Variants in MYO5C observed in about 807,000 individuals in gnomAD.
The protein encoded by MYO5C is myosin VC, also known as unconventional myosin-Vc.
In MYO5C, 194 loss-of-function variants were observed where a neutral mutation model predicts 235.7. That is an observed-to-expected ratio of 0.82 (90% CI 0.73 to 0.93). The LOEUF (loss-of-function observed/expected upper bound fraction) is 0.93. MYO5C is among the 40% of genes least tolerant of loss of function. MYO5C has a pLI of 0.00. For missense variants in MYO5C, 2,038 were observed against 2,127.2 expected, an observed-to-expected ratio of 0.96 and a Z score of 0.82; for synonymous variants, 707 against 754.8, an observed-to-expected ratio of 0.94 and a Z score of 1.04.
At position 52,279,632 on chromosome 15, in the gene MYO5C, G is replaced by C. The variant is rs374576264; in HGVS notation, c.181C>G (p.Arg61Gly). The change falls in exon 3 of 41, where the codon CGG becomes GGG. Residue 61 changes from arginine to glycine, a missense_variant. By Grantham distance (125) the Arg-to-Gly change is moderately radical. Transcript: ENST00000261839. The stretch of plus-strand genomic sequence containing the variant: ...TCGCCCACGAGGATGTCAGGATTCC[G>C]AAGTGGAGGCAGAGATTCTGGATTG... ...SVNPESLPPL[R>G]NPDILVGEND... is the part of the protein sequence containing the mutation. 1.1e-5 allele frequency: 17 copies of C among 1,613,548 alleles called. No individual in the cohort carries two copies. The highest frequency in any genetic ancestry group is 1.4e-5 in the Non-Finnish European group (16 of 1,179,558).
intron 16 of MYO5C, 134 bp from the exon 17 acceptor site, chr15:52,246,176 A>C (rs1401192926): frequency 1.5e-6 from 1 of 671,614 alleles, no homozygotes; most frequent in African/African-American, 1.8e-5. Flanking sequence ...TTTCTATTGC[A>C]TGACCAAGAA....
intron 8 of MYO5C, among the ~76,000 whole-genome samples, chr15:52,267,250 T>G (rs949044379): frequency 3.9e-5 from 6 of 152,154 alleles, no homozygotes; most frequent in Admixed American, 1.3e-4. Flanking sequence ...CTTTGGACAA[T>G]TGGGAATGTA....
Position 52,193,522 on chromosome 15 carries a change from G to T in MYO5C, c.*380C>A. 6.0e-6 allele frequency: 1 copy of T among 167,892 alleles called. No individual in the cohort carries two copies. Among genetic ancestry groups the T allele is most frequent in the Non-Finnish European group, 1.3e-5 (1 of 79,284 alleles). The allele number at this position is 167,892 out of a possible 1,614,324, so 10.4% of individuals were successfully genotyped here. ...CTTGCAGCTTTGTAAATGTACTCAG[G>T]TTTCACATGAACCTTAGAAAACTTG... On this transcript the variant is annotated 3_prime_UTR_variant, in exon 41 of 41. Coordinates refer to ENST00000261839, the MANE Select transcript of MYO5C (RefSeq NM_018728.4).
At chr15:52,275,477 A>C in intron 5 of MYO5C, 85 bp downstream of exon 5, 1 of 1,528,206 alleles carries the variant, frequency 6.5e-7, no homozygotes, top group Non-Finnish European at 9.0e-7. Flanking sequence ...AAGGGTGGGA[A>C]CTTGAATTAG....
At chr15:52,203,953 T>TA (rs2035244081) in intron 38 of MYO5C, among the ~76,000 whole-genome samples, 1 of 152,210 alleles carries the variant, frequency 6.6e-6, no homozygotes, top group Non-Finnish European at 1.5e-5. Flanking sequence ...CACCTTCCCT[T>TA]ACGTCATTAC....
intron 32 of MYO5C, among the ~76,000 whole-genome samples, chr15:52,215,658 A>G (rs1222663148): frequency 1.3e-5 from 2 of 152,208 alleles, no homozygotes; most frequent in Non-Finnish European, 2.9e-5. Context: ...CTTATAATAT[A>G]TCTAATAAAA....
intron 8 of MYO5C, among the ~76,000 whole-genome samples, chr15:52,268,945 T>C (rs1296055979): frequency 3.9e-5 from 6 of 152,216 alleles, no homozygotes; most frequent in African/African-American, 1.4e-4. Flanking sequence ...TCTTGTAAAA[T>C]GGGAGAAACA....
chr15:52,273,712 G>A (rs1256531100), intron 5 of MYO5C, among the ~76,000 whole-genome samples: 1 of 152,132 alleles, frequency 6.6e-6, no homozygotes, highest in African/African-American at 2.4e-5. Flanking sequence ...ATAAATTTCT[G>A]TTGTTTATAA....
chr15:52,217,638 T>G (rs1467660761), intron 32 of MYO5C, among the ~76,000 whole-genome samples: 1 of 152,246 alleles, frequency 6.6e-6, no homozygotes, highest in East Asian at 1.9e-4. Flanking sequence ...TGATTGGAAT[T>G]TGTTACTTCC....
At chr15:52,255,542 T>TA (rs1178983677) in intron 11 of MYO5C, among the ~76,000 whole-genome samples, 2 of 151,962 alleles carry the variant, frequency 1.3e-5, no homozygotes, top group African/African-American at 2.4e-5. Flanking sequence ...GAGGCAATTA[T>TA]AAAAAAAATA....
At chr15:52,203,015 A>G (rs1026301897) in intron 38 of MYO5C, among the ~76,000 whole-genome samples, 2 of 148,594 alleles carry the variant, frequency 1.3e-5, no homozygotes, top group African/African-American at 5.0e-5. Context: ...CTGCCTCCCC[A>G]GTTCTAGTGA....
At chr15:52,277,815 T>C (rs2037084484) in intron 4 of MYO5C, 1 of 454,504 alleles carries the variant, frequency 2.2e-6, no homozygotes, top group South Asian at 1.6e-5. Flanking sequence ...CCATCAGACA[T>C]CTGTGCAGGA....
chr15:52,283,181 C>A (rs893850100), intron 1 of MYO5C, among the ~76,000 whole-genome samples: 1 of 152,102 alleles, frequency 6.6e-6, no homozygotes. Flanking sequence ...AAACATCTCA[C>A]GGCTGTCTAC....
Position 52,221,195 on chromosome 15 carries a change from T to C in MYO5C, c.3688A>G (p.Ile1230Val). 1 of 1,613,372 alleles carries C rather than the reference T, an allele frequency of 6.2e-7. No individual in the cohort carries two copies. The highest frequency in any genetic ancestry group is 8.5e-7 in the Non-Finnish European group (1 of 1,179,590). Residue 1230 changes from isoleucine to valine, a missense_variant, in exon 30 of 41, where the codon ATC (isoleucine) becomes GTC (valine). Coordinates refer to ENST00000261839, the MANE Select transcript of MYO5C (RefSeq NM_018728.4). ...TTCTCAGCTTGTTCATTCAGGCGGA[T>C]TTCAAGATCTTGCTTCTGTTTCTCC... ...ELEKQKQDLEIRLNEQAEKMK... is the reference protein window; with the variant it reads ...ELEKQKQDLEVRLNEQAEKMK...
intron 1 of MYO5C, among the ~76,000 whole-genome samples, chr15:52,289,336 C>G (rs1258349601): frequency 8.9e-6 from 1 of 111,836 alleles, no homozygotes; most frequent in East Asian, 2.7e-4. Flanking sequence ...TGCACTGGAG[C>G]TCTACACCAC....
intron 22 of MYO5C, 61 bp downstream of exon 22, chr15:52,237,421 G>C (rs1040605870): frequency 6.5e-7 from 1 of 1,548,520 alleles, no homozygotes; most frequent in African/African-American, 1.4e-5. Context: ...AGCTGGCAGC[G>C]CTCATCTTTT....
At chr15:52,292,785 G>C (rs2037419575) in intron 1 of MYO5C, among the ~76,000 whole-genome samples, 1 of 152,254 alleles carries the variant, frequency 6.6e-6, no homozygotes, top group Non-Finnish European at 1.5e-5. Flanking sequence ...GGCTTTCTCA[G>C]AAGAGGTCCT....
chr15:52,208,504 T>TTATAGACTGGCTGTCAGCACAAAACAAC, intron 36 of MYO5C, 50 bp downstream of exon 36: 1 of 1,555,734 alleles, frequency 6.4e-7, no homozygotes. Flanking sequence ...CAGGAGGAGG[T>TTATAGACTGGCTGTCAGCACAAAACAAC]TATAGACTGG....
chr15:52,208,316 A>G (rs1293578071), intron 36 of MYO5C, among the ~76,000 whole-genome samples: 1 of 152,274 alleles, frequency 6.6e-6, no homozygotes, highest in Non-Finnish European at 1.5e-5. Flanking sequence ...GAAACTTAAA[A>G]GTCATCTTAT....
Sources: gnomAD v4.1 joint callset for allele counts (sites outside exome capture counted in the v4.1 genomes callset) on GRCh38, gnomAD v4.1.1 for gene constraint, MANE v1.5 for transcripts, NCBI Gene and HGNC (gene_info 2026-07-23, HGNC 2026-07-21) for gene names.